FBN2: variants seen among roughly 807,000 people sequenced by gnomAD.
The protein encoded by FBN2 is fibrillin-2.
A neutral mutation model predicts 355.6 loss-of-function variants in FBN2; 105 were observed. That is an observed-to-expected ratio of 0.30 (90% CI 0.25 to 0.35). The LOEUF is 0.35. FBN2 is among the 10% of genes least tolerant of loss of function. The probability of loss-of-function intolerance (pLI) is 1.00; values close to 1 mark genes in which losing one functional copy is unlikely to be tolerated. For synonymous variants in FBN2, 1,350 were observed against 1,301.2 expected, an observed-to-expected ratio of 1.04 and a Z score of -0.81; for missense variants, 3,280 against 3,758.7, an observed-to-expected ratio of 0.87 and a Z score of 3.33.
intron 20 of FBN2, among the ~76,000 whole-genome samples, chr5:128,351,440 G>A (rs1169348643): frequency 1.3e-5 from 2 of 151,854 alleles, no homozygotes; most frequent in Admixed American, 6.6e-5. Flanking sequence ...CCAGCTACTC[G>A]GGAGGCTGAG....
intron 17 of FBN2, 64 bp from the exon 18 acceptor site, chr5:128,364,789 G>A (rs1751724703): frequency 3.5e-6 from 5 of 1,414,354 alleles, no homozygotes; most frequent in Non-Finnish European, 4.0e-6. Context: ...GATAAATGCA[G>A]GTCTAGTAAA....
At chr5:128,388,691 T>C (rs1752430540) in intron 11 of FBN2, among the ~76,000 whole-genome samples, 1 of 152,236 alleles carries the variant, frequency 6.6e-6, no homozygotes, top group Non-Finnish European at 1.5e-5. Flanking sequence ...GTAGGGTTCC[T>C]GCTGAAAGGT....
intron 4 of FBN2, among the ~76,000 whole-genome samples, chr5:128,523,765 T>C (rs1756496365): frequency 1.3e-5 from 2 of 151,222 alleles, no homozygotes; most frequent in African/African-American, 4.9e-5. Context: ...TCACTTTTGA[T>C]TTTTACTTTT....
chr5:128,483,622 A>T lies in FBN2; in HGVS notation c.629-18701T>A, dbSNP rs552327457. ...ATTTTCAAGTTCTGAATTTTCACTA[A>T]TTCTATGTTAAAGCCTTAATGAAAT... On this transcript the variant is annotated intron_variant, in intron 5 of 64. Transcript: ENST00000262464. Among the ~76,000 whole-genome samples, 5 of 152,064 alleles carry T rather than the reference A, an allele frequency of 3.3e-5. No individual in the cohort carries two copies. In the East Asian group the frequency reaches 7.8e-4, roughly 24 times the overall value.
Position 128,343,682 on chromosome 5 carries a change from T to C in FBN2, c.3343+703A>G, listed in dbSNP as rs17608664. Among the ~76,000 whole-genome samples the C allele has an allele frequency of 9.1e-3, 1,385 of 152,318 alleles. 7 individuals are homozygous for C. Among genetic ancestry groups the C allele is most frequent in the Non-Finnish European group, 0.012 (802 of 68,018 alleles). Reference sequence around the variant, plus strand: ...TGGTGACTGAAAACTAATATTAAGATTCCTGTTCACAGATGAGGAAAAGAA... The same window carrying C: ...TGGTGACTGAAAACTAATATTAAGACTCCTGTTCACAGATGAGGAAAAGAA... On this transcript the variant is annotated intron_variant, in intron 25 of 64. Coordinates refer to ENST00000262464, the MANE Select transcript of FBN2 (RefSeq NM_001999.4).
At position 128,334,803 on chromosome 5, in the gene FBN2, C is replaced by T; in HGVS notation, c.4015G>A (p.Gly1339Arg). Reference protein sequence around the residue: ...CDLNSNICMFGECENTKGSFI... With the variant: ...CDLNSNICMFRECENTKGSFI... ...GATCCCTTTGTGTTCTCACATTCCCCAAACATGCAGATATTTGAATTTAGG... is the reference window on the plus strand; with the variant it reads ...GATCCCTTTGTGTTCTCACATTCCCTAAACATGCAGATATTTGAATTTAGG... The change falls in exon 31 of 65, where the codon GGG (glycine) becomes AGG (arginine). Residue 1339 changes from glycine (G) to arginine (R), a missense_variant. Transcript: ENST00000262464. 1 of 1,613,220 alleles carries T rather than the reference C, an allele frequency of 6.2e-7. No homozygotes were observed. Among genetic ancestry groups the T allele is most frequent in the Non-Finnish European group, 8.5e-7 (1 of 1,179,160 alleles).
At chr5:128,282,639 A>C (rs1323838981) in intron 55 of FBN2, among the ~76,000 whole-genome samples, 2 of 152,182 alleles carry the variant, frequency 1.3e-5, no homozygotes, top group East Asian at 3.8e-4. Context: ...AAGAGGTTGA[A>C]AAAAAGTTGC....
intron 7 of FBN2, among the ~76,000 whole-genome samples, chr5:128,423,674 G>A (rs1215864009): frequency 6.6e-6 from 1 of 152,142 alleles, no homozygotes. Flanking sequence ...GTGAAAAGAA[G>A]TTAGGCTGGA....
At chr5:128,374,240 C>T (rs1307055650) in intron 15 of FBN2, among the ~76,000 whole-genome samples, 1 of 152,120 alleles carries the variant, frequency 6.6e-6, no homozygotes, top group Non-Finnish European at 1.5e-5. Context: ...GAATCCATCA[C>T]TTTAAAGTGT....
intron 11 of FBN2, among the ~76,000 whole-genome samples, chr5:128,385,585 G>A (rs1752347416): frequency 6.6e-6 from 1 of 152,054 alleles, no homozygotes; most frequent in Non-Finnish European, 1.5e-5. Context: ...GTATTGCTGG[G>A]TCGAATGGTA....
chr5:128,492,707 G>T (rs57513167), intron 5 of FBN2, among the ~76,000 whole-genome samples: 3,607 of 150,218 alleles, frequency 0.024, 155 homozygotes, highest in African/African-American at 0.085. Context: ...GGAGGCTGAG[G>T]CAGGAGATTC....
intron 56 of FBN2, 21 bp downstream of exon 56, chr5:128,280,171 T>C: frequency 6.2e-7 from 1 of 1,603,332 alleles, no homozygotes; most frequent in Non-Finnish European, 8.5e-7. Flanking sequence ...CCAAGTATAA[T>C]ATATTTGGAT....
In FBN2 at chr5:128,538,019, G is replaced by A; in HGVS notation, c.-416C>T. The A allele has an allele frequency of 4.7e-6, 1 of 212,816 alleles. No homozygotes were observed. Among genetic ancestry groups the A allele is most frequent in the Non-Finnish European group, 9.3e-6 (1 of 107,780 alleles). The allele number at this position is 212,816 out of a possible 1,614,324, so 13.2% of individuals were successfully genotyped here. ...CGCAGAGCTCGGCGGATTCCCGTGC[G>A]CTCCGAAGACGGATATTGGAAAGCT... is the stretch of plus-strand genomic sequence containing the variant. On this transcript the variant is annotated 5_prime_UTR_variant, in exon 1 of 65. Transcript: ENST00000262464.
At chr5:128,441,972 T>C (rs1753933429) in intron 7 of FBN2, 1 of 153,738 alleles carries the variant, frequency 6.5e-6, no homozygotes, top group Non-Finnish European at 1.4e-5. Context: ...TAATATACTT[T>C]ATGTAATATG....
In FBN2 at chr5:128,287,292, G is replaced by C. The variant is rs753114519; in HGVS notation, c.6880+16C>G. 1 of 1,613,420 alleles carries C rather than the reference G, an allele frequency of 6.2e-7. No homozygotes were observed. The highest frequency in any genetic ancestry group is 1.3e-5 in the African/African-American group (1 of 74,872). ...GACAAATAAAGTTCGAACTACTCCC[G>C]AGTCTGAGGCCTTACCTTTGCACAT... On this transcript the variant is annotated intron_variant, in intron 54 of 64. Coordinates refer to ENST00000262464, the MANE Select transcript of FBN2 (RefSeq NM_001999.4).
intron 4 of FBN2, among the ~76,000 whole-genome samples, chr5:128,526,262 G>GC (rs1271955850): frequency 6.6e-6 from 1 of 152,042 alleles, no homozygotes; most frequent in Non-Finnish European, 1.5e-5. Flanking sequence ...ACAAGGTTTG[G>GC]CAAGTATATA....
At chr5:128,408,200 C>T (rs564954229) in intron 8 of FBN2, among the ~76,000 whole-genome samples, 39 of 152,252 alleles carry the variant, frequency 2.6e-4, no homozygotes, top group African/African-American at 8.9e-4. Context: ...GACTGTAGCA[C>T]TATTGCATCT....
chr5:128,272,834 T>C (rs953595494), intron 61 of FBN2, among the ~76,000 whole-genome samples: 1 of 152,112 alleles, frequency 6.6e-6, no homozygotes, highest in African/African-American at 2.4e-5. Flanking sequence ...ATAAATGGTA[T>C]CTTATGGGGA....
chr5:128,495,841 A>T (rs1167329690), intron 5 of FBN2, among the ~76,000 whole-genome samples: 1 of 152,096 alleles, frequency 6.6e-6, no homozygotes, highest in Non-Finnish European at 1.5e-5. Context: ...ACTTTACAGA[A>T]ATAAAGAGGA....
Sources: allele counts gnomAD v4.1 joint callset (sites outside exome capture counted in the v4.1 genomes callset), GRCh38; gene constraint gnomAD v4.1.1; transcripts MANE v1.5; gene names NCBI Gene and HGNC (gene_info 2026-07-23, HGNC 2026-07-21).